The following COASY variants were observed in gnomAD, a reference collection of about 807,000 sequenced individuals.
The protein encoded by COASY is Coenzyme A synthase.
In COASY, 31 loss-of-function variants were observed where a neutral mutation model predicts 49.4. That is an observed-to-expected ratio of 0.63 (90% CI 0.47 to 0.85). COASY has a LOEUF of 0.85. Ranked by LOEUF, COASY falls within the 40% of genes least tolerant of loss-of-function variation. The pLI is 0.00. For synonymous variants in COASY, 285 were observed against 310.9 expected (o/e 0.92, Z 0.88); for missense variants, 730 against 734.1 (o/e 0.99, Z 0.06).
Position 42,562,378 on chromosome 17 carries a change from C to T in COASY, c.-245C>T, listed in dbSNP as rs2092978970. ...CAGTTTCCCCCTCCCAGGATTTCGA[C>T]TCAGTTCAGCGAAGTCACCGCCCCG... On this transcript the variant is annotated 5_prime_UTR_variant, in exon 1 of 9. Coordinates refer to ENST00000393818, the MANE Select transcript of COASY (RefSeq NM_025233.7). 3.1e-6 allele frequency: 5 copies of T among 1,605,430 alleles called. No individual in the cohort carries two copies. The East Asian group carries it at 6.7e-5, about 21-fold the overall frequency.
chr17:42,565,952 A>G lies in COASY; in HGVS notation c.1679A>G (p.His560Arg), dbSNP rs1295605912. The G allele has an allele frequency of 1.9e-6, 3 of 1,613,724 alleles. No homozygotes were observed. Among genetic ancestry groups the G allele is most frequent in the Non-Finnish European group, 2.5e-6 (3 of 1,179,932 alleles). ...TTGCAGAAGCGCATTCCCAAGACTC[A>G]TCAGGCCCTCGACTGAAAAGTTCTC... The part of the protein sequence containing the change: ...ALLQKRIPKT[H>R]QALD Residue 560 changes from histidine to arginine, a missense_variant, in exon 9 of 9, where the codon CAT becomes CGT. Transcript: ENST00000393818.
rs372050877 is a variant in COASY at position 42,565,085 on chromosome 17, T to G, written c.1302+38T>G. ...TTCCTAAGGGCTCCTAAGCCGCTAC[T>G]AGACCCAGGGGTCAGGGTCCAGTGG... On this transcript the variant is annotated intron_variant, in intron 5 of 8. Transcript: ENST00000393818. 3 of 1,608,360 alleles carry G rather than the reference T, an allele frequency of 1.9e-6. No individual in the cohort carries two copies. In the African/African-American group the frequency reaches 4.0e-5, roughly 22 times the overall value.
intron 1 of COASY, 136 bp from the exon 2 acceptor site, chr17:42,563,825 C>T: frequency 6.1e-6 from 4 of 652,214 alleles, no homozygotes; most frequent in Non-Finnish European, 1.1e-5. Context: ...CTCACCATCA[C>T]CATAGGCCTT....
chr17:42,562,467 C>G lies in COASY; in HGVS notation c.-156C>G, dbSNP rs774636354. 1 of 1,613,868 alleles carries G rather than the reference C, an allele frequency of 6.2e-7. No homozygotes were observed. The highest frequency in any genetic ancestry group is 1.7e-5 in the Admixed American group (1 of 60,024). ...CGAGGCGCCGTCTACCAGGCCCCGT[C>G]CCCTCCCCCGGCTCCTGTCGGTCAG... On this transcript the variant is annotated 5_prime_UTR_variant, in exon 1 of 9. Coordinates refer to ENST00000393818, the MANE Select transcript of COASY (RefSeq NM_025233.7).
chr17:42,563,085 G>T lies in COASY; in HGVS notation c.463G>T (p.Asp155Tyr). ...PRLASVLLYS[D>Y]YGIGEVPVEP... ...ACTGGCCTCGGTGCTGCTATACTCCGATTATGGGATAGGAGAAGTGCCCGT... is the reference window on the plus strand; with the variant it reads ...ACTGGCCTCGGTGCTGCTATACTCCTATTATGGGATAGGAGAAGTGCCCGT... Residue 155 changes from aspartate to tyrosine, a missense_variant, in exon 1 of 9, where the codon GAT (aspartate) becomes TAT (tyrosine). Physicochemically the swap from Asp to Tyr is radical, Grantham distance 160 (BLOSUM62 -3). Coordinates refer to ENST00000393818, the MANE Select transcript of COASY (RefSeq NM_025233.7). The T allele has an allele frequency of 6.2e-7, 1 of 1,613,944 alleles. No individual in the cohort carries two copies. The highest frequency in any genetic ancestry group is 8.5e-7 in the Non-Finnish European group (1 of 1,179,862).
chr17:42,564,042 C>T lies in COASY; in HGVS notation c.782C>T (p.Ser261Phe). ...LSEFLVDIKPSLTFDVIPLLD... is the reference protein window; with the variant it reads ...LSEFLVDIKPFLTFDVIPLLD... ...GAATTCCTGGTGGACATCAAGCCCT[C>T]CTTGACTTTTGATGTCATCCCCCTG... The change falls in exon 2 of 9, where the codon TCC becomes TTC. Residue 261 changes from serine to phenylalanine, a missense_variant. Physicochemically the swap from Ser to Phe is radical, Grantham distance 155. Transcript: ENST00000393818. 12 of 1,614,186 alleles carry T rather than the reference C, an allele frequency of 7.4e-6. No homozygotes were observed. Among genetic ancestry groups the T allele is most frequent in the Non-Finnish European group, 1.0e-5 (12 of 1,180,028 alleles).
chr17:42,562,711 C>T lies in COASY; in HGVS notation c.89C>T (p.Ala30Val). ...PRLASILTSAARLVNHTLYVH... is the reference protein window; with the variant it reads ...PRLASILTSAVRLVNHTLYVH... ...CTGGCCTCCATCCTGACCTCGGCGGCCCGGCTGGTGAATCACACACTCTAT... is the reference window on the plus strand; with the variant it reads ...CTGGCCTCCATCCTGACCTCGGCGGTCCGGCTGGTGAATCACACACTCTAT... Residue 30 changes from alanine (A) to valine (V), a missense_variant, in exon 1 of 9, where the codon GCC (alanine) becomes GTC (valine). Physicochemically the swap from Ala to Val is moderately conservative, Grantham distance 64. Coordinates refer to ENST00000393818, the MANE Select transcript of COASY (RefSeq NM_025233.7). 6.4e-7 allele frequency: 1 copy of T among 1,570,750 alleles called. No homozygotes were observed. Among genetic ancestry groups the T allele is most frequent in the South Asian group, 1.1e-5 (1 of 87,462 alleles).
In COASY at chr17:42,562,325, C is replaced by T. The variant is rs2092978605; in HGVS notation, c.-298C>T. 2.3e-6 allele frequency: 3 copies of T among 1,291,070 alleles called. No individual in the cohort carries two copies. The highest frequency in any genetic ancestry group is 2.2e-6 in the Non-Finnish European group (2 of 897,936). The allele number at this position is 1,291,070 out of a possible 1,614,324, so 80.0% of individuals were successfully genotyped here. A position where few individuals can be genotyped will look rare whatever the true frequency, so the allele number is the denominator to read the frequency against. ...GCAAGAGGGCCCAGGATTTTTGGAT[C>T]CCCAGCCCTGTGACAAGGGTTCCTG... On this transcript the variant is annotated 5_prime_UTR_variant, in exon 1 of 9. Coordinates refer to ENST00000393818, the MANE Select transcript of COASY (RefSeq NM_025233.7).
chr17:42,563,021 A>G lies in COASY; in HGVS notation c.399A>G (p.Leu133=). The change falls in exon 1 of 9, where the codon CTA becomes CTG. Residue 133 remains leucine, a synonymous_variant. Coordinates refer to ENST00000393818, the MANE Select transcript of COASY (RefSeq NM_025233.7). ...AGTACAACCCGGTCAAACAGCAGCT[A>G]GTGCGTTACGCCACCAGCTGTTACA... ...GSQYNPVKQQ[L]VRYATSCYSC... The G allele has an allele frequency of 6.2e-7, 1 of 1,614,134 alleles. No individual in the cohort carries two copies. Among genetic ancestry groups the G allele is most frequent in the Non-Finnish European group, 8.5e-7 (1 of 1,180,026 alleles).
rs1353005154 is a variant in COASY, at chr17:42,562,712, C to T, written c.90C>T (p.Ala30=). The T allele has an allele frequency of 1.3e-6, 2 of 1,571,608 alleles. No individual in the cohort carries two copies. Among genetic ancestry groups the T allele is most frequent in the Non-Finnish European group, 1.7e-6 (2 of 1,157,840 alleles). The change falls in exon 1 of 9, where the codon GCC becomes GCT. Residue 30 remains alanine (A), a synonymous_variant. Transcript: ENST00000393818. The stretch of plus-strand genomic sequence containing the variant: ...TGGCCTCCATCCTGACCTCGGCGGC[C>T]CGGCTGGTGAATCACACACTCTATG... ...PRLASILTSA[A]RLVNHTLYVH...
chr17:42,565,587 C>T lies in COASY; in HGVS notation c.1485+19C>T, dbSNP rs754871882. 4.3e-6 allele frequency: 7 copies of T among 1,613,928 alleles called. No homozygotes were observed. Among genetic ancestry groups the T allele is most frequent in the South Asian group, 3.3e-5 (3 of 91,090 alleles). On this transcript the variant is annotated intron_variant, in intron 7 of 8. Transcript: ENST00000393818. ...GACTGAGGTATCTCGCCCCACCCCC[C>T]ACACCATCCCTACTGCAGATCCTAT... is the stretch of plus-strand genomic sequence containing the variant.
rs1459824296 is a variant in COASY at position 42,562,698 on chromosome 17, C to T, written c.76C>T (p.Leu26=). The T allele has an allele frequency of 1.9e-6, 3 of 1,565,458 alleles. No homozygotes were observed. In the South Asian group the frequency reaches 3.5e-5, roughly 18 times the overall value. Residue 26 remains leucine (L), a synonymous_variant, in exon 1 of 9, where the codon CTG becomes TTG. Coordinates refer to ENST00000393818, the MANE Select transcript of COASY (RefSeq NM_025233.7). ...ASLAPRLASI[L]TSAARLVNHT... ...CCTAGCCCCTCGCCTGGCCTCCATC[C>T]TGACCTCGGCGGCCCGGCTGGTGAA...
intron 2 of COASY, 117 bp downstream of exon 2, chr17:42,564,292 GGAA>G: frequency 6.9e-7 from 1 of 1,454,972 alleles, no homozygotes. Flanking sequence ...CAGGGTGGTG[GGAA>G]GAAGCAAGGA....
In COASY at chr17:42,564,072, A is replaced by T. The variant is rs1372530241; in HGVS notation, c.812A>T (p.Asp271Val). The change falls in exon 2 of 9, where the codon GAC (aspartate) becomes GTC (valine). Residue 271 changes from aspartate (D) to valine (V), a missense_variant. Coordinates refer to ENST00000393818, the MANE Select transcript of COASY (RefSeq NM_025233.7). ...SLTFDVIPLLDPYGPAGSDPS... is the reference protein window; with the variant it reads ...SLTFDVIPLLVPYGPAGSDPS... The stretch of plus-strand genomic sequence containing the variant: ...ACTTTTGATGTCATCCCCCTGCTGG[A>T]CCCCTATGGGCCCGCTGGCTCTGAC... The T allele has an allele frequency of 6.2e-7, 1 of 1,613,530 alleles. No homozygotes were observed. The highest frequency in any genetic ancestry group is 1.3e-5 in the African/African-American group (1 of 74,808).
chr17:42,564,614 C>T lies in COASY; in HGVS notation c.1047+37C>T, dbSNP rs757167875. On this transcript the variant is annotated intron_variant, in intron 3 of 8. Transcript: ENST00000393818. ...TCCCTCCTTCCCTCCTGCTTGGTGT[C>T]CTGGCAATGCTGGAGAGTAGAAGCT... The T allele has an allele frequency of 6.3e-6, 10 of 1,584,224 alleles. No individual in the cohort carries two copies. In the Admixed American group the frequency reaches 1.6e-4, roughly 25 times the overall value.
At position 42,563,203 on chromosome 17, in the gene COASY, G is replaced by T; in HGVS notation, c.581G>T (p.Gly194Val). 1 of 1,613,874 alleles carries T rather than the reference G, an allele frequency of 6.2e-7. No homozygotes were observed. Among genetic ancestry groups the T allele is most frequent in the Non-Finnish European group, 8.5e-7 (1 of 1,180,028 alleles). ...PKQPVRGYYR[G>V]AVGGTFDRLH... ...CAGCCGGTGCGTGGCTACTACCGTG[G>T]CGCTGTCGGTGGCACGTTTGACCGC... is the stretch of plus-strand genomic sequence containing the variant. Residue 194 changes from glycine (G) to valine (V), a missense_variant, in exon 1 of 9, where the codon GGC (glycine) becomes GTC (valine). Coordinates refer to ENST00000393818, the MANE Select transcript of COASY (RefSeq NM_025233.7).
chr17:42,565,711 G>T lies in COASY; in HGVS notation c.1538G>T (p.Ser513Ile). 6.2e-7 allele frequency: 1 copy of T among 1,614,014 alleles called. No individual in the cohort carries two copies. Among genetic ancestry groups the T allele is most frequent in the Non-Finnish European group, 8.5e-7 (1 of 1,180,036 alleles). Reference sequence around the variant, plus strand: ...GGCCTCAGTGAAGCCGCGGCTCAAAGCCGGCTGCAGAGCCAGATGAGCGGG... The same window carrying T: ...GGCCTCAGTGAAGCCGCGGCTCAAATCCGGCTGCAGAGCCAGATGAGCGGG... The part of the protein sequence containing the change: ...RDGLSEAAAQ[S>I]RLQSQMSGQQ... Residue 513 changes from serine (S) to isoleucine (I), a missense_variant, in exon 8 of 9, where the codon AGC becomes ATC. Coordinates refer to ENST00000393818, the MANE Select transcript of COASY (RefSeq NM_025233.7).
In COASY at chr17:42,565,978, A is replaced by C. The variant is rs766174617; in HGVS notation, c.*10A>C. 5.6e-6 allele frequency: 9 copies of C among 1,613,558 alleles called. No homozygotes were observed. In the Admixed American group the frequency reaches 8.3e-5, roughly 15 times the overall value. On this transcript the variant is annotated 3_prime_UTR_variant, in exon 9 of 9. Coordinates refer to ENST00000393818, the MANE Select transcript of COASY (RefSeq NM_025233.7). Reference sequence around the variant, plus strand: ...TCAGGCCCTCGACTGAAAAGTTCTCAGTGGGGCCAGACTGGCTCCTGGAGC... The same window carrying C: ...TCAGGCCCTCGACTGAAAAGTTCTCCGTGGGGCCAGACTGGCTCCTGGAGC...
Position 42,564,012 on chromosome 17 carries a change from T to C in COASY, c.752T>C (p.Leu251Pro), listed in dbSNP as rs1393381558. 6.2e-7 allele frequency: 1 copy of C among 1,613,982 alleles called. No homozygotes were observed. The highest frequency in any genetic ancestry group is 1.3e-5 in the African/African-American group (1 of 74,930). ...CCTTATACAGAACGTGTGGAACATC[T>C]GAGTGAATTCCTGGTGGACATCAAG... ...LQPYTERVEH[L>P]SEFLVDIKPS... Residue 251 changes from leucine to proline, a missense_variant, in exon 2 of 9, where the codon CTG becomes CCG. Coordinates refer to ENST00000393818, the MANE Select transcript of COASY (RefSeq NM_025233.7).
Sources: gnomAD v4.1 joint callset for allele counts on GRCh38, gnomAD v4.1.1 for gene constraint, MANE v1.5 for transcripts, NCBI Gene and HGNC (gene_info 2026-07-23, HGNC 2026-07-21) for gene names.